SLIT1: variants seen among roughly 807,000 people sequenced by gnomAD.
SLIT1 encodes the protein slit guidance ligand 1, also known as slit homolog 1 protein.
In SLIT1, 66 loss-of-function variants were observed where a neutral mutation model predicts 186.1. That is an observed-to-expected ratio of 0.35 (90% CI 0.29 to 0.44). The LOEUF (loss-of-function observed/expected upper bound fraction) is 0.44. Among genes scored for constraint, SLIT1 ranks in the 20% least tolerant of loss-of-function variants. SLIT1 has a pLI of 1.00. For missense variants in SLIT1, 1,638 were observed against 2,037.4 expected (o/e 0.80, Z 3.77); for synonymous variants, 761 against 833.8 (o/e 0.91, Z 1.50).
intron 4 of SLIT1, among the ~76,000 whole-genome samples, chr10:97,112,003 G>A (rs553622521): frequency 3.9e-5 from 6 of 152,290 alleles, no homozygotes; most frequent in East Asian, 3.9e-4. Flanking sequence ...TGAACGTGCC[G>A]AGCTTGCCCC....
rs769586974 is a variant in SLIT1 at position 97,046,811 on chromosome 10, C to CG, written c.1710-15dup. ...TTGCTCAGATTGCTGGGAGAAGAGG[C>CG]GGGGGGAGGATTACATATGGCCAGC... On this transcript the variant is annotated splice_polypyrimidine_tract_variant and intron_variant, in intron 17 of 36. Coordinates refer to ENST00000266058, the MANE Select transcript of SLIT1 (RefSeq NM_003061.3). 8.1e-6 allele frequency: 13 copies of CG among 1,609,392 alleles called. No individual in the cohort carries two copies. In the African/African-American group the frequency reaches 1.2e-4, roughly 15 times the overall value.
Position 97,185,705 on chromosome 10 carries a change from A to T in SLIT1, c.-31T>A. ...CCTCACAGCGTCCCGCTCGCGAGCC[A>T]GACGGCAGCAGCCGCTGACCATCCC... On this transcript the variant is annotated 5_prime_UTR_variant, in exon 1 of 37. Coordinates refer to ENST00000266058, the MANE Select transcript of SLIT1 (RefSeq NM_003061.3). 1 of 1,458,878 alleles carries T rather than the reference A, an allele frequency of 6.9e-7. No homozygotes were observed. The highest frequency in any genetic ancestry group is 9.0e-7 in the Non-Finnish European group (1 of 1,113,226). 90.4% of individuals were successfully genotyped at this position (1,458,878 alleles called of 1,614,324 possible).
rs975922201 is a variant in SLIT1 at position 97,010,207 on chromosome 10, G to A, written c.3341+786C>T. ...TAAACAAAATGTGGTATGTCCATAC[G>A]GCAGAACACTGTTTAGCCATAAGAA... On this transcript the variant is annotated intron_variant, in intron 31 of 36. Coordinates refer to ENST00000266058, the MANE Select transcript of SLIT1 (RefSeq NM_003061.3). This position sits in a 1 kb window ranked among gnomAD's most constrained non-coding sequence, Gnocchi z 4.8. Among the ~76,000 whole-genome samples, 7 of 152,180 alleles carry A rather than the reference G, an allele frequency of 4.6e-5. No individual in the cohort carries two copies. Among genetic ancestry groups the A allele is most frequent in the Non-Finnish European group, 1.0e-4 (7 of 68,042 alleles).
Position 97,043,948 on chromosome 10 carries a change from A to T in SLIT1, c.1854-435T>A, listed in dbSNP as rs989155940. Among the ~76,000 whole-genome samples the T allele has an allele frequency of 2.6e-5, 4 of 151,938 alleles. No homozygotes were observed. The highest frequency in any genetic ancestry group is 9.7e-5 in the African/African-American group (4 of 41,338). Reference sequence around the variant, plus strand: ...AGTCATGCTCGAACTCCTTACTGTGACCTGAGACCATGTCTACCCAGACCC... The same window carrying T: ...AGTCATGCTCGAACTCCTTACTGTGTCCTGAGACCATGTCTACCCAGACCC... On this transcript the variant is annotated intron_variant, in intron 18 of 36. Coordinates refer to ENST00000266058, the MANE Select transcript of SLIT1 (RefSeq NM_003061.3). The surrounding 1 kb of genome is among the most constrained non-coding windows in gnomAD (Gnocchi z 7.0).
intron 1 of SLIT1, among the ~76,000 whole-genome samples, chr10:97,183,358 C>T (rs1169075327): frequency 6.6e-6 from 1 of 152,182 alleles, no homozygotes; most frequent in Non-Finnish European, 1.5e-5. Context: ...ATGAGATTCC[C>T]CTCCCTATCC....
Position 97,064,248 on chromosome 10 carries a change from G to A in SLIT1, c.558-9C>T. 1.2e-6 allele frequency: 2 copies of A among 1,612,370 alleles called. No homozygotes were observed. The highest frequency in any genetic ancestry group is 1.7e-6 in the Non-Finnish European group (2 of 1,178,834). On this transcript the variant is annotated splice_polypyrimidine_tract_variant and intron_variant, in intron 6 of 36. Transcript: ENST00000266058. ...TGTTGTTGTTCAGGGTCCTAAATGG[G>A]AAAAACCAGAGTCATTTAGCACCTG...
At chr10:97,134,013 G>C (rs2134697180) in intron 4 of SLIT1, among the ~76,000 whole-genome samples, 1 of 152,322 alleles carries the variant, frequency 6.6e-6, no homozygotes, top group Non-Finnish European at 1.5e-5. Flanking sequence ...CCCCACTAAA[G>C]GTGCTGTGTG....
In SLIT1 at chr10:97,001,269, A is replaced by G; in HGVS notation, c.4448T>C (p.Leu1483Pro). The G allele has an allele frequency of 1.9e-6, 3 of 1,613,162 alleles. No individual in the cohort carries two copies. Among genetic ancestry groups the G allele is most frequent in the Non-Finnish European group, 2.5e-6 (3 of 1,179,966 alleles). Residue 1483 changes from leucine to proline, a missense_variant, in exon 37 of 37, where the codon CTG (leucine) becomes CCG (proline). Transcript: ENST00000266058. ...CGAGCCCCGGCACTCCACCCATGAC[A>G]GGGGGCGCGTGGTCTGGCAGATGGC... ...GYAICQTTRP[L>P]SWVECRGSCP...
intron 4 of SLIT1, among the ~76,000 whole-genome samples, chr10:97,073,105 C>CT (rs1010936683): frequency 5.9e-5 from 9 of 151,726 alleles, no homozygotes; most frequent in South Asian, 4.2e-4. Context: ...AAGCTATTCT[C>CT]TTTTTTTTTC....
At chr10:97,087,693 G>T (rs149139687) in intron 4 of SLIT1, among the ~76,000 whole-genome samples, 1 of 152,068 alleles carries the variant, frequency 6.6e-6, no homozygotes, top group Non-Finnish European at 1.5e-5. Context: ...GAGTATCTAG[G>T]GGGTAGTAAC....
intron 4 of SLIT1, among the ~76,000 whole-genome samples, chr10:97,066,865 C>A (rs919300764): frequency 6.6e-6 from 1 of 152,172 alleles, no homozygotes; most frequent in African/African-American, 2.4e-5. Context: ...TCGTGCAGGG[C>A]GCAAAGGGGC....
chr10:97,023,128 C>T (rs770670425), intron 25 of SLIT1, among the ~76,000 whole-genome samples: 71 of 151,982 alleles, frequency 4.7e-4, no homozygotes, highest in Admixed American at 1.3e-3. Context: ...CTCAGCTCAC[C>T]GCAACCTCTG....
intron 18 of SLIT1, among the ~76,000 whole-genome samples, chr10:97,045,644 A>C (rs1212983711): frequency 6.6e-6 from 1 of 152,252 alleles, no homozygotes; most frequent in East Asian, 1.9e-4. Context: ...CTAGGTAAGC[A>C]TAAAGAAAAA....
chr10:97,060,561 AC>A, intron 9 of SLIT1, 78 bp downstream of exon 9: 2 of 1,567,706 alleles, frequency 1.3e-6, no homozygotes, highest in South Asian at 2.3e-5. Flanking sequence ...GGCAGCGCCT[AC>A]TCCAGCTCTT....
chr10:97,166,640 G>GAAAAGAAAAGA (rs200026777), intron 1 of SLIT1, among the ~76,000 whole-genome samples: 1 of 134,830 alleles, frequency 7.4e-6, no homozygotes, highest in Admixed American at 8.0e-5. Flanking sequence ...GAAAAGAAAA[G>GAAAAGAAAAGA]AAAGGAAAGG....
intron 20 of SLIT1, among the ~76,000 whole-genome samples, chr10:97,040,847 C>T (rs913139245): frequency 1.3e-5 from 2 of 152,188 alleles, no homozygotes; most frequent in Admixed American, 6.5e-5. Context: ...AATATCACCA[C>T]GGTCGGAGTT....
intron 4 of SLIT1, among the ~76,000 whole-genome samples, chr10:97,140,490 GC>G (rs1849746990): frequency 6.6e-6 from 1 of 152,190 alleles, no homozygotes; most frequent in African/African-American, 2.4e-5. Flanking sequence ...GCACGAGTGG[GC>G]CCCCAAGTTG....
intron 14 of SLIT1, 76 bp from the exon 15 acceptor site, chr10:97,048,072 C>T: frequency 6.5e-7 from 1 of 1,535,224 alleles, no homozygotes; most frequent in South Asian, 1.1e-5. Flanking sequence ...CCCAGCCCCA[C>T]TGCTCAGCTG....
At chr10:97,114,356 G>A (rs2817701) in intron 4 of SLIT1, among the ~76,000 whole-genome samples, 69,799 of 151,980 alleles carry the variant, frequency 0.46, 18,779 homozygotes, top group South Asian at 0.59. Flanking sequence ...AGTCTTCCTA[G>A]TAAGATCAAA....
Sources: gnomAD v4.1 joint callset for allele counts (sites outside exome capture counted in the v4.1 genomes callset) on GRCh38, gnomAD v4.1.1 for gene constraint, Gnocchi (gnomAD v3.1) non-coding constraint, MANE v1.5 for transcripts, NCBI Gene and HGNC (gene_info 2026-07-23, HGNC 2026-07-21) for gene names.